The following ABAT variants were observed in gnomAD, a reference collection of about 807,000 sequenced individuals.
ABAT encodes the protein 4-aminobutyrate aminotransferase, mitochondrial.
ABAT carries 45 observed loss-of-function variants against 64.6 expected under a neutral mutation model. That is an observed-to-expected ratio of 0.70 (90% CI 0.55 to 0.89). ABAT has a LOEUF of 0.89. Ranked by LOEUF, ABAT falls within the 40% of genes least tolerant of loss-of-function variation. ABAT has a pLI of 0.00. For synonymous variants in ABAT, 297 were observed against 250.5 expected, an observed-to-expected ratio of 1.19 and a Z score of -1.75; for missense variants, 633 against 658.4, an observed-to-expected ratio of 0.96 and a Z score of 0.42.
chr16:8,729,459 G>A (rs532517552), intron 1 of ABAT, among the ~76,000 whole-genome samples: 1 of 152,242 alleles, frequency 6.6e-6, no homozygotes, highest in Non-Finnish European at 1.5e-5. Flanking sequence ...TATCATCTCT[G>A]AACAGGGAGA....
At position 8,783,145 on chromosome 16, in the gene ABAT, C is replaced by G. The variant is rs1204413466; in HGVS notation, c.*1715C>G. On this transcript the variant is annotated 3_prime_UTR_variant, in exon 16 of 16. Coordinates refer to ENST00000268251, the MANE Select transcript of ABAT (RefSeq NM_020686.6). The stretch of plus-strand genomic sequence containing the variant: ...CTCCCAGCCAAGTGGTGATGTATGC[C>G]TCCCACTCTCTGCAAGGTTTTCCTC... The G allele has an allele frequency of 6.6e-6, 1 of 152,116 alleles. No individual in the cohort carries two copies. Among genetic ancestry groups the G allele is most frequent in the Non-Finnish European group, 1.5e-5 (1 of 68,030 alleles). The allele number at this position is 152,116 out of a possible 1,614,324, so 9.4% of individuals were successfully genotyped here.
chr16:8,677,042 TGAG>T (rs1227593955), intron 1 of ABAT, among the ~76,000 whole-genome samples: 1 of 152,142 alleles, frequency 6.6e-6, no homozygotes, highest in Non-Finnish European at 1.5e-5. Flanking sequence ...GTTCAAAGCA[TGAG>T]GAGGACCACG....
chr16:8,753,186 T>G (rs2059542791), intron 5 of ABAT, among the ~76,000 whole-genome samples: 2 of 151,384 alleles, frequency 1.3e-5, no homozygotes, highest in African/African-American at 4.9e-5. Flanking sequence ...CTCTGCCTCC[T>G]GGGTTCAAGC....
intron 3 of ABAT, among the ~76,000 whole-genome samples, chr16:8,747,031 T>G (rs943066967): frequency 6.6e-6 from 1 of 152,188 alleles, no homozygotes; most frequent in African/African-American, 2.4e-5. Flanking sequence ...GGGCTTGTCC[T>G]CATGGCAATG....
intron 1 of ABAT, among the ~76,000 whole-genome samples, chr16:8,719,478 G>A (rs1212860894): frequency 6.6e-6 from 1 of 152,142 alleles, no homozygotes; most frequent in Non-Finnish European, 1.5e-5. Context: ...CACAGGCTGG[G>A]TAACTACCTG....
intron 1 of ABAT, among the ~76,000 whole-genome samples, chr16:8,728,893 C>T (rs1210791834): frequency 6.6e-6 from 1 of 152,160 alleles, no homozygotes; most frequent in Admixed American, 6.6e-5. Context: ...AGTTTGGTTT[C>T]TCAGTTAATT....
chr16:8,779,531 C>T lies in ABAT; in HGVS notation c.1322C>T (p.Ser441Phe), dbSNP rs1254844336. 1 of 1,614,206 alleles carries T rather than the reference C, an allele frequency of 6.2e-7. No homozygotes were observed. Among genetic ancestry groups the T allele is most frequent in the South Asian group, 1.1e-5 (1 of 91,082 alleles). ...GTGAGAGGACGAGGCACCTTTTGCT[C>T]CTTCGATACTCCCGATGATTCCATA... ...SRVRGRGTFC[S>F]FDTPDDSIRN... The change falls in exon 15 of 16, where the codon TCC becomes TTC. Residue 441 changes from serine (S) to phenylalanine (F), a missense_variant. Coordinates refer to ENST00000268251, the MANE Select transcript of ABAT (RefSeq NM_020686.6).
intron 1 of ABAT, among the ~76,000 whole-genome samples, chr16:8,693,341 T>C (rs2057629122): frequency 6.6e-6 from 1 of 152,186 alleles, no homozygotes; most frequent in African/African-American, 2.4e-5. Context: ...TGTCTTTGAG[T>C]TTTTCTAGTT....
chr16:8,763,966 T>G, intron 6 of ABAT, 103 bp from the exon 7 acceptor site: 2 of 964,516 alleles, frequency 2.1e-6, no homozygotes, highest in Non-Finnish European at 1.7e-6. Flanking sequence ...TGCAACCCCA[T>G]TTGGAGGCTA....
intron 1 of ABAT, among the ~76,000 whole-genome samples, chr16:8,687,930 A>C (rs1414881634): frequency 6.6e-6 from 1 of 151,612 alleles, no homozygotes. Flanking sequence ...CAGGGGTCTC[A>C]CTCTGTTGCT....
chr16:8,768,680 G>T, intron 10 of ABAT, 145 bp from the exon 11 acceptor site: 1 of 1,139,070 alleles, frequency 8.8e-7, no homozygotes, highest in Non-Finnish European at 1.3e-6. Flanking sequence ...AAAATTAAAC[G>T]ATAAAAAGAA....
rs1003886667 is a variant in ABAT, at chr16:8,708,903, A to T, written c.-41-26796A>T. On this transcript the variant is annotated intron_variant, in intron 1 of 15. Coordinates refer to ENST00000268251, the MANE Select transcript of ABAT (RefSeq NM_020686.6). ...AGGTGCTCAATAAACGGCGGCCAGT[A>T]TTGTTATTTAAGGTTTACACTCACT... Among the ~76,000 whole-genome samples the T allele has an allele frequency of 2.6e-5, 4 of 152,110 alleles. No individual in the cohort carries two copies. In the South Asian group the frequency reaches 8.3e-4, roughly 31 times the overall value.
At position 8,776,024 on chromosome 16, in the gene ABAT, A is replaced by C. The variant is rs1210876152; in HGVS notation, c.1123-320A>C. ...TCCTCCTGTATAAAATGAGGGTTAT[A>C]GGAGTTAAGGAACTGACTGTCTTGG... On this transcript the variant is annotated intron_variant, in intron 13 of 15. Transcript: ENST00000268251. This position sits in a 1 kb window ranked among gnomAD's most constrained non-coding sequence, Gnocchi z 4.4. Among the ~76,000 whole-genome samples the C allele has an allele frequency of 1.3e-5, 2 of 152,212 alleles. No homozygotes were observed. Among genetic ancestry groups the C allele is most frequent in the Non-Finnish European group, 2.9e-5 (2 of 68,034 alleles).
intron 1 of ABAT, among the ~76,000 whole-genome samples, chr16:8,719,754 AAGG>A (rs150890076): frequency 1.5e-4 from 23 of 152,082 alleles, no homozygotes; most frequent in East Asian, 3.8e-4. Flanking sequence ...AAGAAGAAAG[AAGG>A]AGGAGGAGGA....
rs368667677 is a variant in ABAT at position 8,772,908 on chromosome 16, C to T, written c.945C>T (p.Ile315=). ...SDDFFRKLRD[I]ARKHGCAFLV... is the part of the protein sequence containing the mutation. ...ACTTCTTTCGGAAGCTGAGAGACAT[C>T]GCCAGGAAGGTCAGTGGACAGGGCC... Residue 315 remains isoleucine (I), a synonymous_variant, in exon 12 of 16, where the codon ATC becomes ATT. Transcript: ENST00000268251. The T allele has an allele frequency of 5.5e-5, 89 of 1,613,608 alleles. No individual in the cohort carries two copies. The highest frequency in any genetic ancestry group is 6.9e-5 in the Non-Finnish European group (81 of 1,180,010).
intron 1 of ABAT, among the ~76,000 whole-genome samples, chr16:8,722,279 G>A (rs898879231): frequency 9.2e-5 from 14 of 152,104 alleles, no homozygotes; most frequent in East Asian, 3.9e-4. Flanking sequence ...AAAACTTGAC[G>A]GGGGAAGATA....
In ABAT at chr16:8,732,970, C is replaced by CG. The variant is rs1463043465; in HGVS notation, c.-41-2723dup. Among the ~76,000 whole-genome samples the CG allele has an allele frequency of 5.4e-5, 8 of 147,116 alleles. No individual in the cohort carries two copies. The South Asian group carries it at 6.3e-4, about 12-fold the overall frequency. On this transcript the variant is annotated intron_variant, in intron 1 of 15. Transcript: ENST00000268251. ...CTCCCGGACGGGGCGGCTGGCCGGG[C>CG]GGGGGGCTGATGCCCCCACCTCCCT...
At chr16:8,704,099 C>A (rs1427098409) in intron 1 of ABAT, among the ~76,000 whole-genome samples, 1 of 152,168 alleles carries the variant, frequency 6.6e-6, no homozygotes. Flanking sequence ...CCCTTTGTGT[C>A]AACTGCAGGT....
Position 8,775,024 on chromosome 16 carries a change from C to T in ABAT, c.1089C>T (p.Gly363=), listed in dbSNP as rs767008763. The change falls in exon 13 of 16, where the codon GGC becomes GGT. Residue 363 remains glycine (G), a synonymous_variant. Transcript: ENST00000268251. ...TCAGCAAGAAGATGATGACTGGGGG[C>T]TTCTTCCACAAGGAGGAGTTCAGGC... The part of the protein sequence containing the change: ...MTFSKKMMTG[G]FFHKEEFRPN... 3 of 1,614,196 alleles carry T rather than the reference C, an allele frequency of 1.9e-6. No individual in the cohort carries two copies. Among genetic ancestry groups the T allele is most frequent in the Admixed American group, 3.3e-5 (2 of 60,026 alleles).
Sources: allele counts gnomAD v4.1 joint callset (sites outside exome capture counted in the v4.1 genomes callset), GRCh38; gene constraint gnomAD v4.1.1; non-coding constraint Gnocchi (gnomAD v3.1); transcripts MANE v1.5; gene names NCBI Gene and HGNC (gene_info 2026-07-23, HGNC 2026-07-21).